ZNF831: variants seen among roughly 807,000 people sequenced by gnomAD.
ZNF831 encodes chromosome 20 open reading frame 174.
ZNF831 carries 59 observed loss-of-function variants against 95.8 expected under a neutral mutation model. The ratio of observed to expected loss-of-function variants is 0.62; its 90% CI spans 0.50 to 0.77. The LOEUF (loss-of-function observed/expected upper bound fraction) is 0.77, where lower values mean the gene tolerates loss of function less well. Ranked by LOEUF, ZNF831 falls within the 30% of genes least tolerant of loss-of-function variation. The probability of loss-of-function intolerance (pLI) is 0.00; values close to 1 mark genes in which losing one functional copy is unlikely to be tolerated. For missense variants in ZNF831, 2,205 were observed against 2,164.0 expected, an observed-to-expected ratio of 1.02 and a Z score of -0.38; for synonymous variants, 961 against 925.5, an observed-to-expected ratio of 1.04 and a Z score of -0.70.
intron 4 of ZNF831, among the ~76,000 whole-genome samples, chr20:59,213,713 G>T (rs892759976): frequency 6.6e-6 from 1 of 152,278 alleles, no homozygotes. Context: ...CTGATTGTGC[G>T]TTGTGTCAAA....
intron 1 of ZNF831, among the ~76,000 whole-genome samples, chr20:59,133,031 G>C (rs1979395836): frequency 7.0e-6 from 1 of 142,488 alleles, no homozygotes; most frequent in Non-Finnish European, 1.5e-5. Context: ...GACGTCCGTA[G>C]GATCACTTTG....
In ZNF831 at chr20:59,193,872, C is replaced by G. The variant is rs548949385; in HGVS notation, c.2853C>G (p.Pro951=). 29 of 1,611,680 alleles carry G rather than the reference C, an allele frequency of 1.8e-5. No individual in the cohort carries two copies. The highest frequency in any genetic ancestry group is 1.7e-4 in the Admixed American group (10 of 59,690). ...YLLRLPQAET[P]LPLPIPWGPR... ...TCAGGTTACCTCAGGCAGAGACCCCCTTACCACTGCCCATTCCCTGGGGAC... is the reference window on the plus strand; with the variant it reads ...TCAGGTTACCTCAGGCAGAGACCCCGTTACCACTGCCCATTCCCTGGGGAC... Residue 951 remains proline (P), a synonymous_variant, in exon 2 of 6, where the codon CCC becomes CCG. Coordinates refer to ENST00000371030, the MANE Select transcript of ZNF831 (RefSeq NM_178457.3).
chr20:59,166,339 A>T (rs1246122031), intron 1 of ZNF831, among the ~76,000 whole-genome samples: 3 of 152,180 alleles, frequency 2.0e-5, no homozygotes, highest in African/African-American at 7.2e-5. Flanking sequence ...GATTCTATTT[A>T]CGTATTTATT....
chr20:59,204,151 G>A (rs1332983910), intron 3 of ZNF831, among the ~76,000 whole-genome samples: 4 of 152,186 alleles, frequency 2.6e-5, no homozygotes, highest in Non-Finnish European at 5.9e-5. Flanking sequence ...TACATTAGTC[G>A]TTGAAGGGGA....
Position 59,192,675 on chromosome 20 carries a change from C to T in ZNF831, c.1656C>T (p.Asp552=), listed in dbSNP as rs762316981. Residue 552 remains aspartate (D), a synonymous_variant, in exon 2 of 6, where the codon GAC becomes GAT. Transcript: ENST00000371030. The surrounding 1 kb of genome is among the most constrained non-coding windows in gnomAD (Gnocchi z 5.2). Reference sequence around the variant, plus strand: ...GCCGCTCGGGACTAAGCTCGACTGACGTTCCCAGTGGGCATCCCCGGGCCC... The same window carrying T: ...GCCGCTCGGGACTAAGCTCGACTGATGTTCCCAGTGGGCATCCCCGGGCCC... ...LGCRSGLSST[D]VPSGHPRALV... is the part of the protein sequence containing the mutation. 15 of 1,553,150 alleles carry T rather than the reference C, an allele frequency of 9.7e-6. No individual in the cohort carries two copies. The highest frequency in any genetic ancestry group is 1.2e-5 in the South Asian group (1 of 83,234).
At chr20:59,155,334 G>A (rs950196768) in intron 2 of ZNF831, among the ~76,000 whole-genome samples, 1 of 152,188 alleles carries the variant, frequency 6.6e-6, no homozygotes, top group Non-Finnish European at 1.5e-5. Context: ...GCAAGGCTGG[G>A]CACATGAATG....
upstream of ZNF831, among the ~76,000 whole-genome samples, chr20:59,163,255 C>T (rs564893550): frequency 6.6e-6 from 1 of 152,124 alleles, no homozygotes; most frequent in African/African-American, 2.4e-5. Flanking sequence ...GATAACTTGA[C>T]TTCCTCTTTT....
chr20:59,183,354 G>A (rs905980327), intron 1 of ZNF831, among the ~76,000 whole-genome samples: 1 of 152,184 alleles, frequency 6.6e-6, no homozygotes, highest in Non-Finnish European at 1.5e-5. Flanking sequence ...CAGGTACAGG[G>A]TCTACACCAA....
intron 1 of ZNF831, among the ~76,000 whole-genome samples, chr20:59,182,602 C>A (rs117234149): frequency 0.012 from 1,862 of 152,142 alleles, 18 homozygotes; most frequent in Admixed American, 0.022. Context: ...CATCTGCAAC[C>A]GATTGACCAT....
chr20:59,231,213 G>A (rs1986703849), intron 4 of ZNF831, among the ~76,000 whole-genome samples: 1 of 152,226 alleles, frequency 6.6e-6, no homozygotes, highest in African/African-American at 2.4e-5. Context: ...CCTGGGAAAT[G>A]TAGTTTTCAG....
At chr20:59,206,548 C>CA (rs1176517253) in intron 3 of ZNF831, among the ~76,000 whole-genome samples, 3 of 152,214 alleles carry the variant, frequency 2.0e-5, no homozygotes, top group African/African-American at 7.2e-5. Flanking sequence ...GATTACAGAA[C>CA]ATTTCCATCA....
At chr20:59,231,691 C>T (rs1986729863) in intron 4 of ZNF831, among the ~76,000 whole-genome samples, 1 of 152,228 alleles carries the variant, frequency 6.6e-6, no homozygotes, top group Middle Eastern at 3.2e-3. Context: ...CGCTTTCAAA[C>T]ATTTCTGTTT....
intron 1 of ZNF831, among the ~76,000 whole-genome samples, chr20:59,123,878 C>T (rs1022857297): frequency 5.3e-5 from 8 of 152,192 alleles, no homozygotes; most frequent in African/African-American, 1.7e-4. Flanking sequence ...ATCTCATCCA[C>T]AGAACATAAA....
At chr20:59,249,294 G>C (rs1987769018) in intron 4 of ZNF831, among the ~76,000 whole-genome samples, 1 of 151,978 alleles carries the variant, frequency 6.6e-6, no homozygotes, top group African/African-American at 2.4e-5. Context: ...TGAGTCTGTA[G>C]TATGCTCCCC....
chr20:59,198,084 C>A (rs773580262), intron 3 of ZNF831, among the ~76,000 whole-genome samples: 1 of 152,128 alleles, frequency 6.6e-6, no homozygotes, highest in Non-Finnish European at 1.5e-5. Flanking sequence ...TTACCATGTA[C>A]CTGCTGTGTG....
At chr20:59,148,498 G>T (rs1050626962) in intron 2 of ZNF831, among the ~76,000 whole-genome samples, 1 of 119,524 alleles carries the variant, frequency 8.4e-6, no homozygotes, top group African/African-American at 3.3e-5. Context: ...TGGCTAACAC[G>T]GTGAAACCCC....
chr20:59,184,608 C>T (rs928254624), intron 1 of ZNF831, among the ~76,000 whole-genome samples: 1 of 152,078 alleles, frequency 6.6e-6, no homozygotes, highest in Non-Finnish European at 1.5e-5. Flanking sequence ...CCATACGTGG[C>T]GGAGTGGGTG....
At chr20:59,195,527 G>A (rs1438251673) in intron 2 of ZNF831, among the ~76,000 whole-genome samples, 6 of 152,144 alleles carry the variant, frequency 3.9e-5, no homozygotes, top group East Asian at 1.9e-4. Flanking sequence ...TGAGAGTAGC[G>A]GGTTAGTCAG....
At chr20:59,130,173 T>A (rs1979303965) in intron 1 of ZNF831, among the ~76,000 whole-genome samples, 1 of 152,114 alleles carries the variant, frequency 6.6e-6, no homozygotes, top group Admixed American at 6.6e-5. Flanking sequence ...GACCAACATT[T>A]GCTGTTATTA....
Sources: allele counts gnomAD v4.1 joint callset (sites outside exome capture counted in the v4.1 genomes callset), GRCh38; gene constraint gnomAD v4.1.1; non-coding constraint Gnocchi (gnomAD v3.1); transcripts MANE v1.5; gene names NCBI Gene and HGNC (gene_info 2026-07-23, HGNC 2026-07-21).